The following ASXL1 variants were observed in gnomAD, a reference collection of about 807,000 sequenced individuals.
ASXL1 encodes the protein polycomb group protein ASXL1.
In ASXL1, 65 loss-of-function variants were observed where a neutral mutation model predicts 89.1. That is an observed-to-expected ratio of 0.73 (90% CI 0.60 to 0.90). The LOEUF (loss-of-function observed/expected upper bound fraction) is 0.90. ASXL1 is among the 40% of genes least tolerant of loss of function. The pLI is 0.00. For missense variants in ASXL1, 1,786 were observed against 1,942.9 expected, an observed-to-expected ratio of 0.92 and a Z score of 1.52; for synonymous variants, 739 against 746.9, an observed-to-expected ratio of 0.99 and a Z score of 0.17.
At chr20:32,359,392 A>G (rs2048070947) in intron 1 of ASXL1, 1 of 702,390 alleles carries the variant, frequency 1.4e-6, no homozygotes, top group Non-Finnish European at 2.6e-6. Context: ...GCGGTTCTCT[A>G]ACTTTAGTGT....
chr20:32,374,378 T>C (rs2048344237), intron 4 of ASXL1, among the ~76,000 whole-genome samples: 1 of 152,038 alleles, frequency 6.6e-6, no homozygotes, highest in Non-Finnish European at 1.5e-5. Context: ...ACTACAACCT[T>C]GAGCGCCTGG....
Position 32,437,053 on chromosome 20 carries a change from C to T in ASXL1, c.4341C>T (p.Leu1447=). 1 of 1,614,198 alleles carries T rather than the reference C, an allele frequency of 6.2e-7. No homozygotes were observed. ...KQAFYGKLSK[L]QLSSTSFNYS... ...CATTTTATGGGAAGCTTTCTAAACT[C>T]CAACTGAGTTCCACCAGCTTTAATT... Residue 1447 remains leucine (L), a synonymous_variant, in exon 13 of 13, where the codon CTC becomes CTT. Transcript: ENST00000375687.
At chr20:32,402,081 G>T (rs907796995) in intron 4 of ASXL1, among the ~76,000 whole-genome samples, 1 of 152,182 alleles carries the variant, frequency 6.6e-6, no homozygotes, top group African/African-American at 2.4e-5. Flanking sequence ...TTACCTTTGA[G>T]ATTGGCTTTT....
At position 32,436,031 on chromosome 20, in the gene ASXL1, C is replaced by T; in HGVS notation, c.3319C>T (p.Leu1107Phe). The T allele has an allele frequency of 1.2e-6, 2 of 1,614,218 alleles. No individual in the cohort carries two copies. The highest frequency in any genetic ancestry group is 1.7e-6 in the Non-Finnish European group (2 of 1,180,046). Residue 1107 changes from leucine to phenylalanine, a missense_variant, in exon 13 of 13, where the codon CTT (leucine) becomes TTT (phenylalanine). This residue lies in a region of ASXL1 where 1,418 missense variants were observed against 1,427.8 expected (regional missense o/e 0.99). Transcript: ENST00000375687. The stretch of plus-strand genomic sequence containing the variant: ...GTCCTCAGTGGAGGCCACTAACCCA[C>T]TTGTGATGCAGTTGCTGCAGGGTAG... The part of the protein sequence containing the change: ...PGSSVEATNP[L>F]VMQLLQGSLP...
At chr20:32,410,352 G>C (rs370228438) in intron 4 of ASXL1, among the ~76,000 whole-genome samples, 2 of 152,080 alleles carry the variant, frequency 1.3e-5, no homozygotes, top group East Asian at 1.9e-4. Context: ...GCCCAGCCTG[G>C]TCCTGAATGA....
rs1448152968 is a variant in ASXL1 at position 32,429,850 on chromosome 20, C to T, written c.566-51C>T. 2 of 1,597,118 alleles carry T rather than the reference C, an allele frequency of 1.3e-6. No homozygotes were observed. Among genetic ancestry groups the T allele is most frequent in the Admixed American group, 1.7e-5 (1 of 58,916 alleles). ...GGGAGAAATGAGCTTGTCTGAGAGC[C>T]ATGGGCGCGGCTTGGTGATACTTTT... On this transcript the variant is annotated intron_variant, in intron 7 of 12. Transcript: ENST00000375687. The surrounding 1 kb of genome is among the most constrained non-coding windows in gnomAD (Gnocchi z 4.9).
At chr20:32,411,216 T>C (rs1284581076) in intron 4 of ASXL1, among the ~76,000 whole-genome samples, 24 of 26,650 alleles carry the variant, frequency 9.0e-4, no homozygotes, top group African/African-American at 1.7e-3. Flanking sequence ...TTATGGATTC[T>C]TTTTTTTTTT....
intron 4 of ASXL1, among the ~76,000 whole-genome samples, chr20:32,388,382 G>A (rs2048616260): frequency 6.6e-6 from 1 of 152,024 alleles, no homozygotes; most frequent in Non-Finnish European, 1.5e-5. Flanking sequence ...CACCATGTTG[G>A]CCAGGCTGGT....
intron 4 of ASXL1, among the ~76,000 whole-genome samples, chr20:32,384,280 C>T (rs562953469): frequency 5.9e-5 from 8 of 136,494 alleles, no homozygotes; most frequent in Admixed American, 1.6e-4. Context: ...GATCTTTGCT[C>T]ACTGCAACCT....
intron 4 of ASXL1, among the ~76,000 whole-genome samples, chr20:32,380,230 C>T (rs968463594): frequency 5.6e-4 from 85 of 151,850 alleles, no homozygotes; most frequent in East Asian, 1.2e-3. Context: ...TGCAATGAGC[C>T]TATTGCGCAA....
intron 4 of ASXL1, among the ~76,000 whole-genome samples, chr20:32,376,236 T>C (rs899938818): frequency 6.6e-6 from 1 of 151,232 alleles, no homozygotes; most frequent in Non-Finnish European, 1.5e-5. Flanking sequence ...TTTTATTTTA[T>C]TTTTATTTTA....
intron 4 of ASXL1, among the ~76,000 whole-genome samples, chr20:32,401,169 A>G (rs1027187033): frequency 1.3e-5 from 2 of 152,146 alleles, no homozygotes; most frequent in Non-Finnish European, 2.9e-5. Context: ...CTTATTTCAT[A>G]TTTTCACATG....
chr20:32,414,073 T>G (rs1047348926), intron 4 of ASXL1, among the ~76,000 whole-genome samples: 2 of 151,924 alleles, frequency 1.3e-5, no homozygotes, highest in Admixed American at 6.6e-5. Context: ...ATATCGTGTG[T>G]TTTTTTTGAC....
chr20:32,382,509 A>G (rs887006669), intron 4 of ASXL1, among the ~76,000 whole-genome samples: 3 of 151,048 alleles, frequency 2.0e-5, no homozygotes, highest in African/African-American at 7.3e-5. Flanking sequence ...TGTGCCTCAT[A>G]CCTGTAATCC....
intron 1 of ASXL1, chr20:32,359,801 C>T (rs777278083): frequency 4.2e-6 from 3 of 717,984 alleles, no homozygotes; most frequent in South Asian, 1.5e-5. Context: ...GGTGAAATAG[C>T]TTCCTTTTGG....
chr20:32,437,798 A>G lies in ASXL1; in HGVS notation c.*460A>G. 1 of 267,410 alleles carries G rather than the reference A, an allele frequency of 3.7e-6. No homozygotes were observed. Among genetic ancestry groups the G allele is most frequent in the Non-Finnish European group, 7.2e-6 (1 of 138,678 alleles). 16.6% of individuals were successfully genotyped at this position (267,410 alleles called of 1,614,324 possible). On this transcript the variant is annotated 3_prime_UTR_variant, in exon 13 of 13. Transcript: ENST00000375687. ...TGATGGCCAGGAAAGAAGCCAGCAC[A>G]GGGTTAAAGTAACTCCTGGCATTGC...
chr20:32,429,549 A>G lies in ASXL1; in HGVS notation c.565+118A>G. 1 of 1,097,292 alleles carries G rather than the reference A, an allele frequency of 9.1e-7. No homozygotes were observed. Among genetic ancestry groups the G allele is most frequent in the Non-Finnish European group, 1.4e-6 (1 of 730,516 alleles). The allele number at this position is 1,097,292 out of a possible 1,614,324, so 68.0% of individuals were successfully genotyped here. A position where few individuals can be genotyped will look rare whatever the true frequency, so the allele number is the denominator to read the frequency against. ...CTAGGAGAGCTGTCGGGCCACAGGC[A>G]AGAGCCCTGCCAATGGATGAGGCCT... On this transcript the variant is annotated intron_variant, in intron 7 of 12. Coordinates refer to ENST00000375687, the MANE Select transcript of ASXL1 (RefSeq NM_015338.6). The surrounding 1 kb of genome is among the most constrained non-coding windows in gnomAD (Gnocchi z 4.9).
intron 4 of ASXL1, among the ~76,000 whole-genome samples, chr20:32,394,539 G>A (rs527466853): frequency 7.7e-4 from 118 of 152,276 alleles, no homozygotes; most frequent in African/African-American, 2.6e-3. Context: ...AGTTCAGCTT[G>A]TGAAACTCAG....
chr20:32,425,829 C>A (rs2011262873), intron 4 of ASXL1, among the ~76,000 whole-genome samples: 1 of 152,124 alleles, frequency 6.6e-6, no homozygotes, highest in South Asian at 2.1e-4. Flanking sequence ...CTCAGCCTCC[C>A]AAGTAGCTGG....
Sources: allele counts gnomAD v4.1 joint callset (sites outside exome capture counted in the v4.1 genomes callset), GRCh38; gene constraint gnomAD v4.1.1; regional missense constraint gnomAD v4.1.1; non-coding constraint Gnocchi (gnomAD v3.1); transcripts MANE v1.5; gene names NCBI Gene and HGNC (gene_info 2026-07-23, HGNC 2026-07-21).